INSR: variants seen among roughly 807,000 people sequenced by gnomAD.
The protein encoded by INSR is IR.
A neutral mutation model predicts 142.6 loss-of-function variants in INSR; 67 were observed. The ratio of observed to expected loss-of-function variants is 0.47; its 90% CI spans 0.39 to 0.58. The LOEUF (loss-of-function observed/expected upper bound fraction) is 0.58. Ranked by LOEUF, INSR falls within the 20% of genes least tolerant of loss-of-function variation. The pLI is 0.00. For missense variants in INSR, 1,248 were observed against 1,833.2 expected (o/e 0.68, Z 5.83); for synonymous variants, 756 against 743.1 (o/e 1.02, Z -0.28).
rs886054661 is a variant in INSR, at chr19:7,112,707, G to C, written c.*4349C>G. The C allele has an allele frequency of 1.3e-5, 2 of 151,992 alleles. No homozygotes were observed. The highest frequency in any genetic ancestry group is 2.4e-5 in the African/African-American group (1 of 41,370). The allele number at this position is 151,992 out of a possible 1,614,324, so 9.4% of individuals were successfully genotyped here. The stretch of plus-strand genomic sequence containing the variant: ...CAGATAGAAATTTGGCTGGTGGCTG[G>C]TTCTGGACCTTGACTAGTATCAGAA... On this transcript the variant is annotated 3_prime_UTR_variant, in exon 22 of 22. Transcript: ENST00000302850.
rs1240425455 is a variant in INSR, at chr19:7,170,699, A to C, written c.1321T>G (p.Trp441Gly). 1.2e-6 allele frequency: 2 copies of C among 1,614,010 alleles called. No individual in the cohort carries two copies. The highest frequency in any genetic ancestry group is 1.7e-6 in the Non-Finnish European group (2 of 1,180,022). Residue 441 changes from tryptophan (W) to glycine (G), a missense_variant, in exon 6 of 22, where the codon TGG becomes GGG. By Grantham distance (184) the Trp-to-Gly change is radical. Transcript: ENST00000302850. ...DNQNLRQLWDWSKHNLTITQG... is the reference protein window; with the variant it reads ...DNQNLRQLWDGSKHNLTITQG... ...GTGATGGTGAGGTTGTGTTTGCTCC[A>C]GTCCCAGAGCTGCCTTAGGTTCTGG... is the stretch of plus-strand genomic sequence containing the variant.
intron 15 of INSR, 25 bp from the exon 16 acceptor site, chr19:7,126,676 T>C (rs529117925): frequency 7.7e-5 from 120 of 1,554,674 alleles, no homozygotes; most frequent in Non-Finnish European, 9.9e-5. Context: ...CGAGGCACGT[T>C]AGCTTGAGAT....
chr19:7,145,206 A>C (rs1195213408), intron 11 of INSR, among the ~76,000 whole-genome samples: 1 of 150,802 alleles, frequency 6.6e-6, no homozygotes, highest in Non-Finnish European at 1.5e-5. Flanking sequence ...CGTGCTATAC[A>C]ACTTACTCTT....
At chr19:7,118,750 C>CCA (rs372682839) in intron 21 of INSR, among the ~76,000 whole-genome samples, 1 of 129,224 alleles carries the variant, frequency 7.7e-6, no homozygotes, top group African/African-American at 2.9e-5. Context: ...ACTAAAAATA[C>CCA]AAAAAAAAAA....
chr19:7,197,314 C>T (rs1333193696), intron 2 of INSR, among the ~76,000 whole-genome samples: 1 of 100,512 alleles, frequency 9.9e-6, no homozygotes, highest in African/African-American at 3.5e-5. Context: ...TTCTTCTCTT[C>T]GGAGAGAGAG....
chr19:7,129,217 A>G (rs1488932147), intron 14 of INSR, among the ~76,000 whole-genome samples: 1 of 152,140 alleles, frequency 6.6e-6, no homozygotes, highest in Non-Finnish European at 1.5e-5. Flanking sequence ...ATCACTGCTC[A>G]TTTCCATCCC....
At chr19:7,180,089 C>G (rs562050239) in intron 3 of INSR, among the ~76,000 whole-genome samples, 122 of 152,198 alleles carry the variant, frequency 8.0e-4, no homozygotes, top group Non-Finnish European at 1.5e-3. Context: ...AGGCCCAGGC[C>G]AGACAAACCT....
At chr19:7,163,449 A>G (rs1973810130) in intron 8 of INSR, among the ~76,000 whole-genome samples, 1 of 151,850 alleles carries the variant, frequency 6.6e-6, no homozygotes, top group African/African-American at 2.4e-5. Context: ...AGTCCCAGCT[A>G]CTTGGGAGGC....
At chr19:7,257,619 T>TTTTTTTTC (rs1217197725) in intron 2 of INSR, among the ~76,000 whole-genome samples, 1 of 151,816 alleles carries the variant, frequency 6.6e-6, no homozygotes, top group Non-Finnish European at 1.5e-5. Context: ...TACCCCACAT[T>TTTTTTTTC]TTTTTTTCTT....
intron 2 of INSR, among the ~76,000 whole-genome samples, chr19:7,197,918 A>AGAGTGTGTGTGT: frequency 1.0e-5 from 1 of 100,298 alleles, no homozygotes; most frequent in South Asian, 3.4e-4. Context: ...CCAGAGTGAG[A>AGAGTGTGTGTGT]GTGTGTGTGT....
At chr19:7,238,067 T>C (rs1976219018) in intron 2 of INSR, among the ~76,000 whole-genome samples, 1 of 151,938 alleles carries the variant, frequency 6.6e-6, no homozygotes, top group Non-Finnish European at 1.5e-5. Context: ...GGAAAGAAAA[T>C]CCTCCTAGAA....
At chr19:7,124,089 C>T (rs988051798) in intron 17 of INSR, among the ~76,000 whole-genome samples, 7 of 150,732 alleles carry the variant, frequency 4.6e-5, no homozygotes, top group African/African-American at 7.3e-5. Flanking sequence ...AGGCACTGGG[C>T]GTGGTGGCTC....
chr19:7,153,784 G>C (rs1265881859), intron 9 of INSR, among the ~76,000 whole-genome samples: 3 of 152,134 alleles, frequency 2.0e-5, no homozygotes, highest in Non-Finnish European at 4.4e-5. Context: ...CGGAGGCCGA[G>C]GTGTGAGGAT....
At position 7,165,866 on chromosome 19, in the gene INSR, GAA is replaced by G. The variant is rs200089915; in HGVS notation, c.1861+286_1861+287del. 0.21 allele frequency among the ~76,000 whole-genome samples: 21,502 copies of G among 103,024 alleles called. 1,729 individuals carry two copies. The highest frequency in any genetic ancestry group is 0.28 in the Middle Eastern group (55 of 198). The allele number at this position is 103,024 out of a possible 152,430, so 67.6% of individuals were successfully genotyped here. On this transcript the variant is annotated intron_variant, in intron 8 of 21. Transcript: ENST00000302850. ...TGACAGAGTGAGACTTCATCTCAAA[GAA>G]AAAAAAAAAAAAAAGCCACACATGG...
At chr19:7,149,924 GGAAAAAAAGAAA>G (rs1973287125) in intron 11 of INSR, among the ~76,000 whole-genome samples, 1 of 33,234 alleles carries the variant, frequency 3.0e-5, no homozygotes, top group South Asian at 1.1e-3. Context: ...AAAGAAAGAA[GGAAAAAAAGAAA>G]GAAGGAAGGA....
intron 8 of INSR, among the ~76,000 whole-genome samples, chr19:7,164,654 C>CA (rs539037803): frequency 0.16 from 12,492 of 75,916 alleles, 1,630 homozygotes; most frequent in African/African-American, 0.3. Flanking sequence ...CTTGTCTCTA[C>CA]AAAAAAAAAA....
At chr19:7,210,762 C>A (rs1269421497) in intron 2 of INSR, among the ~76,000 whole-genome samples, 1 of 152,112 alleles carries the variant, frequency 6.6e-6, no homozygotes, top group Non-Finnish European at 1.5e-5. Context: ...CAGAGTCTTA[C>A]TCTGTGGCCC....
chr19:7,120,548 C>T, intron 20 of INSR, 72 bp downstream of exon 20: 1 of 1,593,366 alleles, frequency 6.3e-7, no homozygotes, highest in South Asian at 1.1e-5. Flanking sequence ...GGCTTCCTTC[C>T]CCCGCTCTTG....
intron 2 of INSR, among the ~76,000 whole-genome samples, chr19:7,229,470 A>C (rs1370566092): frequency 2.0e-5 from 3 of 152,240 alleles, no homozygotes; most frequent in Admixed American, 2.0e-4. Flanking sequence ...CAAAATCACA[A>C]AACATTTCTA....
Sources: allele counts gnomAD v4.1 joint callset (sites outside exome capture counted in the v4.1 genomes callset), GRCh38; gene constraint gnomAD v4.1.1; transcripts MANE v1.5; gene names NCBI Gene and HGNC (gene_info 2026-07-23, HGNC 2026-07-21).